The following BCAR3 variants were observed in gnomAD, a reference collection of about 807,000 sequenced individuals.
BCAR3 encodes the protein breast cancer anti-estrogen resistance protein 3.
In BCAR3, 37 loss-of-function variants were observed where a neutral mutation model predicts 80.1. The ratio of observed to expected loss-of-function variants is 0.46; its 90% CI spans 0.36 to 0.61. The LOEUF is 0.61. Ranked by LOEUF, BCAR3 falls within the 20% of genes least tolerant of loss-of-function variation. The probability of loss-of-function intolerance (pLI) is 0.00; values close to 1 mark genes in which losing one functional copy is unlikely to be tolerated. For synonymous variants in BCAR3, 389 were observed against 418.9 expected (o/e 0.93, Z 0.87); for missense variants, 978 against 1,068.2 (o/e 0.92, Z 1.18).
At chr1:93,583,109 G>A (rs969442731) in intron 6 of BCAR3, among the ~76,000 whole-genome samples, 156 bp from the exon 7 acceptor site, 1 of 152,024 alleles carries the variant, frequency 6.6e-6, no homozygotes, top group Non-Finnish European at 1.5e-5. Context: ...ACTGTCCCAC[G>A]CCCAATCTCA....
intron 2 of BCAR3, among the ~76,000 whole-genome samples, chr1:93,725,944 C>T (rs1305379194): frequency 1.3e-5 from 2 of 152,162 alleles, no homozygotes; most frequent in Admixed American, 6.5e-5. Flanking sequence ...TTCCATTGGC[C>T]AGTTTTTCCA....
At chr1:93,601,884 C>T (rs966458392) in intron 3 of BCAR3, among the ~76,000 whole-genome samples, 1 of 151,878 alleles carries the variant, frequency 6.6e-6, no homozygotes, top group Non-Finnish European at 1.5e-5. Flanking sequence ...GGCTCCAACA[C>T]CCGGAATGCT....
intron 7 of BCAR3, among the ~76,000 whole-genome samples, chr1:93,579,542 C>T (rs1364118436): frequency 6.6e-6 from 1 of 152,132 alleles, no homozygotes; most frequent in African/African-American, 2.4e-5. Context: ...CAAAATGCAC[C>T]ACAGCAAGCC....
At chr1:93,669,601 C>T (rs754197176) in intron 2 of BCAR3, among the ~76,000 whole-genome samples, 1 of 152,198 alleles carries the variant, frequency 6.6e-6, no homozygotes, top group Non-Finnish European at 1.5e-5. Flanking sequence ...ACAGCTGTTC[C>T]CAGGAATGTG....
intron 9 of BCAR3, among the ~76,000 whole-genome samples, chr1:93,570,857 T>C (rs1055481475): frequency 6.6e-6 from 1 of 152,216 alleles, no homozygotes; most frequent in Non-Finnish European, 1.5e-5. Flanking sequence ...CACTTGCTAC[T>C]GTACATCAAA....
intron 7 of BCAR3, among the ~76,000 whole-genome samples, chr1:93,577,182 A>G (rs577454688): frequency 1.3e-5 from 2 of 152,274 alleles, no homozygotes; most frequent in African/African-American, 4.8e-5. Flanking sequence ...AACGGCGGCT[A>G]ATGACACCTC....
intron 2 of BCAR3, among the ~76,000 whole-genome samples, chr1:93,802,401 GTGAACCAAC>G (rs981976142): frequency 6.6e-6 from 1 of 152,056 alleles, no homozygotes; most frequent in Non-Finnish European, 1.5e-5. Flanking sequence ...ATACTAACAT[GTGAACCAAC>G]TGACACAGAG....
At chr1:93,712,230 T>C (rs1650048122) in intron 2 of BCAR3, among the ~76,000 whole-genome samples, 1 of 152,182 alleles carries the variant, frequency 6.6e-6, no homozygotes, top group African/African-American at 2.4e-5. Context: ...GACCCCTCTG[T>C]CCCCGACCCT....
At chr1:93,744,589 T>C (rs1651288930) in intron 2 of BCAR3, among the ~76,000 whole-genome samples, 1 of 152,208 alleles carries the variant, frequency 6.6e-6, no homozygotes, top group Non-Finnish European at 1.5e-5. Flanking sequence ...GTTTGAAAGC[T>C]AGAAGCATCC....
At chr1:93,652,582 C>G (rs1676356966) in intron 2 of BCAR3, among the ~76,000 whole-genome samples, 2 of 152,186 alleles carry the variant, frequency 1.3e-5, no homozygotes, top group East Asian at 1.9e-4. Context: ...TTTCTATTCT[C>G]TAAGACAGAT....
intron 2 of BCAR3, among the ~76,000 whole-genome samples, chr1:93,714,925 T>G (rs1461976853): frequency 6.6e-6 from 1 of 152,184 alleles, no homozygotes; most frequent in African/African-American, 2.4e-5. Flanking sequence ...GGAAAAGCAT[T>G]TTTTTTGAAA....
At chr1:93,719,125 G>A (rs1458222161) in intron 2 of BCAR3, among the ~76,000 whole-genome samples, 5 of 151,812 alleles carry the variant, frequency 3.3e-5, no homozygotes, top group African/African-American at 4.8e-5. Flanking sequence ...CTGTAAAATC[G>A]TTTCTGGGTG....
chr1:93,577,668 C>G (rs116539394), intron 7 of BCAR3, among the ~76,000 whole-genome samples: 2 of 152,234 alleles, frequency 1.3e-5, no homozygotes, highest in African/African-American at 2.4e-5. Context: ...AGATTTACAA[C>G]TTGACCTTGG....
chr1:93,573,609 T>TTTTTTATTA (rs760911546), intron 8 of BCAR3, among the ~76,000 whole-genome samples: 2,109 of 142,750 alleles, frequency 0.015, 69 homozygotes, highest in African/African-American at 0.053. Context: ...AAAATATATT[T>TTTTTTATTA]TTATTATTAT....
At chr1:93,798,433 A>C (rs1653358058) in intron 2 of BCAR3, among the ~76,000 whole-genome samples, 1 of 151,400 alleles carries the variant, frequency 6.6e-6, no homozygotes, top group Admixed American at 6.6e-5. Context: ...AAGACTCTTA[A>C]CAATAGCCAA....
intron 2 of BCAR3, among the ~76,000 whole-genome samples, chr1:93,650,245 C>T (rs938690717): frequency 2.0e-5 from 3 of 152,042 alleles, no homozygotes; most frequent in Non-Finnish European, 4.4e-5. Flanking sequence ...ATTAGCTGGG[C>T]GTGGTGGCAA....
chr1:93,687,000 T>C (rs1237477839), intron 3 of BCAR3, among the ~76,000 whole-genome samples: 1 of 152,226 alleles, frequency 6.6e-6, no homozygotes, highest in African/African-American at 2.4e-5. Context: ...CTCTCCTTCC[T>C]GGAATTTGTC....
intron 2 of BCAR3, among the ~76,000 whole-genome samples, chr1:93,822,126 T>C (rs1027853627): frequency 2.6e-5 from 4 of 151,928 alleles, no homozygotes; most frequent in African/African-American, 7.2e-5. Flanking sequence ...CATTGAGGCA[T>C]TAAAGAACAG....
intron 2 of BCAR3, among the ~76,000 whole-genome samples, chr1:93,656,593 A>G (rs1185444642): frequency 6.7e-6 from 1 of 150,148 alleles, no homozygotes; most frequent in Admixed American, 6.6e-5. Context: ...TGTATCTGAT[A>G]TTCCAATATC....
Sources: allele counts gnomAD v4.1 joint callset (sites outside exome capture counted in the v4.1 genomes callset), GRCh38; gene constraint gnomAD v4.1.1; transcripts MANE v1.5; gene names NCBI Gene and HGNC (gene_info 2026-07-23, HGNC 2026-07-21).